The following CNTN5 variants were observed in gnomAD, a reference collection of about 807,000 sequenced individuals.
The protein encoded by CNTN5 is contactin 5.
A neutral mutation model predicts 129.1 loss-of-function variants in CNTN5; 77 were observed. The ratio of observed to expected loss-of-function variants is 0.60; its 90% CI spans 0.50 to 0.72. The LOEUF is 0.72. CNTN5 is among the 30% of genes least tolerant of loss of function. CNTN5 has a pLI of 0.00. For missense variants in CNTN5, 1,478 were observed against 1,328.8 expected, an observed-to-expected ratio of 1.11 and a Z score of -1.75; for synonymous variants, 509 against 465.6, an observed-to-expected ratio of 1.09 and a Z score of -1.20.
Position 100,050,267 on chromosome 11 carries a change from C to T in CNTN5, c.981-10945C>T, listed in dbSNP as rs559076459. ...TAGACTGGATTAAGAAAATGTGGCA[C>T]ATATACACCATGGAATACAGTGCAG... On this transcript the variant is annotated intron_variant, in intron 9 of 24. Transcript: ENST00000524871. 3.9e-5 allele frequency among the ~76,000 whole-genome samples: 6 copies of T among 152,244 alleles called. No individual in the cohort carries two copies. The South Asian group carries it at 1.2e-3, about 32-fold the overall frequency.
At chr11:100,029,200 A>G (rs1413317914) in intron 9 of CNTN5, among the ~76,000 whole-genome samples, 1 of 152,186 alleles carries the variant, frequency 6.6e-6, no homozygotes, top group Non-Finnish European at 1.5e-5. Flanking sequence ...TGTCTAAGAA[A>G]GTCTGGTTTT....
chr11:100,005,626 G>T (rs1940143624), intron 9 of CNTN5, among the ~76,000 whole-genome samples: 1 of 152,012 alleles, frequency 6.6e-6, no homozygotes, highest in Non-Finnish European at 1.5e-5. Flanking sequence ...TGTCCAAGTT[G>T]TACTTACTGT....
chr11:99,403,820 TG>T (rs1941944035), intron 2 of CNTN5, among the ~76,000 whole-genome samples: 1 of 152,170 alleles, frequency 6.6e-6, no homozygotes, highest in African/African-American at 2.4e-5. Context: ...GAGAATAATG[TG>T]TATTCTGCAG....
chr11:99,450,521 T>C (rs1944258437), intron 2 of CNTN5, among the ~76,000 whole-genome samples: 1 of 152,120 alleles, frequency 6.6e-6, no homozygotes, highest in Non-Finnish European at 1.5e-5. Context: ...CAACTCATCC[T>C]AGTAGATTCT....
intron 9 of CNTN5, among the ~76,000 whole-genome samples, chr11:100,019,508 T>A (rs554609442): frequency 1.5e-4 from 23 of 152,100 alleles, no homozygotes; most frequent in East Asian, 3.9e-4. Flanking sequence ...TCCATGTTGT[T>A]ACAAATGACA....
At chr11:99,921,211 CA>C (rs1949930634) in intron 7 of CNTN5, among the ~76,000 whole-genome samples, 1 of 152,186 alleles carries the variant, frequency 6.6e-6, no homozygotes, top group Non-Finnish European at 1.5e-5. Flanking sequence ...AGCTTAATAT[CA>C]AAGCCAAAGT....
chr11:100,080,355 A>C (rs551025479), intron 13 of CNTN5, among the ~76,000 whole-genome samples: 1 of 152,278 alleles, frequency 6.6e-6, no homozygotes, highest in African/African-American at 2.4e-5. Context: ...AATCTGACAT[A>C]ATGGCCCCCT....
chr11:99,371,884 C>T (rs1351470011), intron 2 of CNTN5, among the ~76,000 whole-genome samples: 3 of 152,164 alleles, frequency 2.0e-5, no homozygotes, highest in African/African-American at 7.2e-5. Context: ...TTTAAACAGG[C>T]TTCTGCCCAT....
At position 99,828,821 on chromosome 11, in the gene CNTN5, T is replaced by G. The variant is rs192422478; in HGVS notation, c.277+9056T>G. On this transcript the variant is annotated intron_variant, in intron 4 of 24. Transcript: ENST00000524871. The stretch of plus-strand genomic sequence containing the variant: ...TGATGATGTATTTTAGTCACAGATA[T>G]TAAATTTGATTATAGTAGTTGTCTT... Among the ~76,000 whole-genome samples the G allele has an allele frequency of 2.9e-3, 446 of 152,318 alleles. 4 individuals carry two copies. The highest frequency in any genetic ancestry group is 0.012 in the South Asian group (58 of 4,830).
chr11:99,155,054 T>C (rs4269881), intron 1 of CNTN5, among the ~76,000 whole-genome samples: 7,251 of 151,958 alleles, frequency 0.048, 198 homozygotes, highest in Middle Eastern at 0.065. Flanking sequence ...GGTTGTGGGG[T>C]CTCCTGCTAC....
intron 7 of CNTN5, among the ~76,000 whole-genome samples, chr11:99,953,836 A>G (rs1950732996): frequency 6.6e-6 from 1 of 152,176 alleles, no homozygotes; most frequent in South Asian, 2.1e-4. Context: ...AGTATCAAAA[A>G]TATGCGATTG....
At chr11:100,101,731 TC>T (rs1945231558) in intron 13 of CNTN5, among the ~76,000 whole-genome samples, 1 of 152,038 alleles carries the variant, frequency 6.6e-6, no homozygotes, top group South Asian at 2.1e-4. Flanking sequence ...CTCACCCCAC[TC>T]CCAGACTTTC....
chr11:99,564,740 A>G (rs962729547), intron 3 of CNTN5, among the ~76,000 whole-genome samples: 11 of 152,142 alleles, frequency 7.2e-5, no homozygotes, highest in African/African-American at 2.4e-4. Context: ...TTTTTTTGGA[A>G]CACATACATC....
chr11:99,420,379 C>T (rs1180774199), intron 2 of CNTN5, among the ~76,000 whole-genome samples: 1 of 151,912 alleles, frequency 6.6e-6, no homozygotes, highest in Non-Finnish European at 1.5e-5. Context: ...GCATGCAAGC[C>T]CTGGGATTTT....
At chr11:99,728,066 A>T (rs896919873) in intron 3 of CNTN5, among the ~76,000 whole-genome samples, 1 of 152,202 alleles carries the variant, frequency 6.6e-6, no homozygotes, top group Non-Finnish European at 1.5e-5. Context: ...AAGTGAAAAC[A>T]TTTAAGGACT....
chr11:99,060,037 T>G (rs1864810110), intron 1 of CNTN5, among the ~76,000 whole-genome samples: 1 of 152,088 alleles, frequency 6.6e-6, no homozygotes, highest in African/African-American at 2.4e-5. Context: ...TATATTAAAA[T>G]ATTGATATTT....
intron 4 of CNTN5, among the ~76,000 whole-genome samples, chr11:99,827,455 G>A (rs1292872915): frequency 6.6e-6 from 1 of 152,102 alleles, no homozygotes; most frequent in Non-Finnish European, 1.5e-5. Context: ...AATGTTTTCA[G>A]CATTATAACA....
intron 2 of CNTN5, among the ~76,000 whole-genome samples, chr11:99,336,457 T>G (rs941849571): frequency 1.4e-4 from 21 of 152,194 alleles, no homozygotes; most frequent in African/African-American, 4.8e-4. Context: ...GTAATAGTAT[T>G]ACTGTAAAAT....
At chr11:100,169,733 G>A (rs773412902) in intron 13 of CNTN5, among the ~76,000 whole-genome samples, 5 of 151,914 alleles carry the variant, frequency 3.3e-5, no homozygotes, top group Non-Finnish European at 5.9e-5. Flanking sequence ...AACTAAATCC[G>A]CAATAGTTCT....
Sources: gnomAD v4.1 joint callset for allele counts (sites outside exome capture counted in the v4.1 genomes callset) on GRCh38, gnomAD v4.1.1 for gene constraint, MANE v1.5 for transcripts, NCBI Gene and HGNC (gene_info 2026-07-23, HGNC 2026-07-21) for gene names.